Variants in HOOK2 observed in about 807,000 individuals in gnomAD.
The protein encoded by HOOK2 is protein Hook homolog 2.
A neutral mutation model predicts 111.9 loss-of-function variants in HOOK2; 108 were observed. The observed-to-expected ratio is 0.96, with a 90% CI of 0.83 to 1.13. The LOEUF (loss-of-function observed/expected upper bound fraction) is 1.13. HOOK2 is among the 50% of genes most tolerant of loss of function. The pLI is 0.00. For missense variants in HOOK2, 978 were observed against 951.3 expected (o/e 1.03, Z -0.37); for synonymous variants, 405 against 394.3 (o/e 1.03, Z -0.32).
chr19:12,789,312 G>A (rs1039069987), intron 3 of HOOK2, among the ~76,000 whole-genome samples: 9 of 152,012 alleles, frequency 5.9e-5, no homozygotes, highest in African/African-American at 2.2e-4. Context: ...CTGGAAGCCT[G>A]ACCGTCTGCA....
chr19:12,763,229 G>A lies in HOOK2; in HGVS notation c.*53C>T. On this transcript the variant is annotated 3_prime_UTR_variant, in exon 23 of 23. Coordinates refer to ENST00000397668, the MANE Select transcript of HOOK2 (RefSeq NM_013312.3). Reference sequence around the variant, plus strand: ...AAGCCCAGTGCTGGGCGCCATGTGAGCTGGAGGAAGCCAGGGTGGGTGGAG... The same window carrying A: ...AAGCCCAGTGCTGGGCGCCATGTGAACTGGAGGAAGCCAGGGTGGGTGGAG... 2 of 1,585,942 alleles carry A rather than the reference G, an allele frequency of 1.3e-6. No individual in the cohort carries two copies. Among genetic ancestry groups the A allele is most frequent in the Admixed American group, 1.7e-5 (1 of 58,666 alleles).
chr19:12,769,763 G>C (rs1968258951), intron 11 of HOOK2, 118 bp downstream of exon 11: 1 of 813,946 alleles, frequency 1.2e-6, no homozygotes, highest in East Asian at 3.5e-5. Flanking sequence ...AAGAGGCCCG[G>C]AGAGCGTGGC....
At chr19:12,764,063 G>A (rs559038705) in intron 20 of HOOK2, among the ~76,000 whole-genome samples, 1 of 152,244 alleles carries the variant, frequency 6.6e-6, no homozygotes, top group African/African-American at 2.4e-5. Context: ...TGCCCAGCCT[G>A]GAGTGAAGTG....
At chr19:12,781,519 GGTTTCA>G (rs1429724024), upstream of HOOK2, among the ~76,000 whole-genome samples, 1 of 151,672 alleles carries the variant, frequency 6.6e-6, no homozygotes, top group East Asian at 2.0e-4. Context: ...GTAGAGACGG[GGTTTCA>G]GTGTGTTAGC....
intron 20 of HOOK2, 106 bp downstream of exon 20, chr19:12,764,708 T>TA (rs1398768957): frequency 2.3e-6 from 2 of 855,026 alleles, no homozygotes; most frequent in African/African-American, 3.3e-5. Context: ...GTATGACAGG[T>TA]ATGAGTTGGG....
At chr19:12,789,780 G>A (rs1419789209) in intron 3 of HOOK2, among the ~76,000 whole-genome samples, 2 of 151,538 alleles carry the variant, frequency 1.3e-5, no homozygotes, top group South Asian at 2.1e-4. Context: ...GCGGCGGGGT[G>A]GGGCGGGGCC....
At chr19:12,770,237 G>C (rs1276602440) in intron 10 of HOOK2, among the ~76,000 whole-genome samples, 155 bp from the exon 11 acceptor site, 1 of 152,080 alleles carries the variant, frequency 6.6e-6, no homozygotes. Context: ...GGGTCAATCA[G>C]GGCCTGGAGC....
rs753804503 is a variant in HOOK2, at chr19:12,772,222, A to G, written c.487T>C (p.Ser163Pro). The change falls in exon 7 of 23, where the codon TCA (serine) becomes CCA (proline). Residue 163 changes from serine (S) to proline (P), a missense_variant. Around this residue, in one of 5 missense-constraint regions of HOOK2, gnomAD observed 301 missense variants for 286.1 expected, o/e 1.05. Coordinates refer to ENST00000397668, the MANE Select transcript of HOOK2 (RefSeq NM_013312.3). ...LMTKDTPDSLSPETYGNFDSQ... is the reference protein window; with the variant it reads ...LMTKDTPDSLPPETYGNFDSQ... ...TCAAAGTTGCCATACGTCTCTGGTGACAGGGAGTCAGGAGTGTCTTTGGTC... is the reference window on the plus strand; with the variant it reads ...TCAAAGTTGCCATACGTCTCTGGTGGCAGGGAGTCAGGAGTGTCTTTGGTC... 1 of 1,614,088 alleles carries G rather than the reference A, an allele frequency of 6.2e-7. No individual in the cohort carries two copies.
At chr19:12,768,209 C>G (rs1424399650) in intron 11 of HOOK2, 86 bp from the exon 12 acceptor site, 1 of 1,082,868 alleles carries the variant, frequency 9.2e-7, no homozygotes, top group Admixed American at 2.2e-5. Flanking sequence ...ATCCAGGATG[C>G]TTTGACTTAT....
chr19:12,779,554 C>T (rs568326446), upstream of HOOK2, among the ~76,000 whole-genome samples: 1 of 152,248 alleles, frequency 6.6e-6, no homozygotes, highest in African/African-American at 2.4e-5. Flanking sequence ...AAGGGTTTTG[C>T]TATGTTGCCC....
upstream of HOOK2, among the ~76,000 whole-genome samples, chr19:12,781,298 G>A (rs1287730634): frequency 9.3e-5 from 14 of 149,948 alleles, no homozygotes; most frequent in Non-Finnish European, 1.9e-4. Flanking sequence ...GCAAGACTCC[G>A]TCTAAAAAAA....
chr19:12,766,470 C>A (rs1167978949), intron 14 of HOOK2: 2 of 508,478 alleles, frequency 3.9e-6, no homozygotes, highest in Non-Finnish European at 6.8e-6. Flanking sequence ...GGCGGAGCTA[C>A]AAGAGTGGAT....
upstream of HOOK2, among the ~76,000 whole-genome samples, chr19:12,781,599 T>C (rs193181425): frequency 7.3e-4 from 111 of 152,244 alleles, no homozygotes; most frequent in African/African-American, 2.3e-3. Context: ...GTGCTGGGAT[T>C]ACAGGCGTAA....
intron 20 of HOOK2, 80 bp downstream of exon 20, chr19:12,764,734 G>A (rs1370169820): frequency 5.1e-6 from 6 of 1,174,372 alleles, no homozygotes; most frequent in Non-Finnish European, 7.5e-6. Context: ...AGATGTGCAA[G>A]CAGGAGGTTT....
chr19:12,775,134 T>G (rs1568374460), intron 1 of HOOK2: 1 of 960,752 alleles, frequency 1.0e-6, no homozygotes, highest in South Asian at 4.8e-5. Context: ...GCGAGTCACC[T>G]GGGCCCCACA....
At chr19:12,775,262 T>A in intron 1 of HOOK2, 143 bp downstream of exon 1, 1 of 1,452,490 alleles carries the variant, frequency 6.9e-7, no homozygotes, top group Admixed American at 2.6e-5. Context: ...GGGCGGGTGC[T>A]CGGGCCAGAG....
At chr19:12,772,295 G>A (rs759881386) in intron 6 of HOOK2, 43 bp from the exon 7 acceptor site, 2 of 1,594,134 alleles carry the variant, frequency 1.3e-6, no homozygotes, top group Non-Finnish European at 1.7e-6. Context: ...GGATATCTGA[G>A]GCCAGCCTTC....
chr19:12,771,819 T>C (rs775123224), intron 7 of HOOK2: 56 of 352,424 alleles, frequency 1.6e-4, no homozygotes, highest in Non-Finnish European at 1.6e-4. Context: ...GAGGCGGAGG[T>C]TGCAGTGAGC....
At chr19:12,768,731 T>C (rs10413266) in intron 11 of HOOK2, among the ~76,000 whole-genome samples, 21,418 of 152,024 alleles carry the variant, frequency 0.14, 3,424 homozygotes, top group African/African-American at 0.39. Flanking sequence ...TCTCAACCTC[T>C]CAAAGTGCTG....
Sources: gnomAD v4.1 joint callset for allele counts (sites outside exome capture counted in the v4.1 genomes callset) on GRCh38, gnomAD v4.1.1 for gene constraint, gnomAD v4.1.1 regional missense constraint, MANE v1.5 for transcripts, NCBI Gene and HGNC (gene_info 2026-07-23, HGNC 2026-07-21) for gene names.